Variants in FBXL4 observed in about 807,000 individuals in gnomAD.
FBXL4 encodes F-box/LRR-repeat protein 4.
A neutral mutation model predicts 58.9 loss-of-function variants in FBXL4; 40 were observed. The observed-to-expected ratio is 0.68, with a 90% CI of 0.53 to 0.88. The LOEUF is 0.88. Among genes scored for constraint, FBXL4 ranks in the 40% least tolerant of loss-of-function variants. The pLI is 0.00. For synonymous variants in FBXL4, 263 were observed against 265.5 expected, an observed-to-expected ratio of 0.99 and a Z score of 0.09; for missense variants, 676 against 734.4, an observed-to-expected ratio of 0.92 and a Z score of 0.92.
chr6:98,871,546 T>C lies in FBXL4; in HGVS notation c.*2732A>G, dbSNP rs1770490628. On this transcript the variant is annotated 3_prime_UTR_variant, in exon 10 of 10. Coordinates refer to ENST00000369244, the MANE Select transcript of FBXL4 (RefSeq NM_001278716.2). ...TGCTAAGATGTGTTACAACTGGTGG[T>C]GTTAAAAATGTGTGAAGCAAAATGA... is the stretch of plus-strand genomic sequence containing the variant. 6.6e-6 allele frequency: 1 copy of C among 152,246 alleles called. No individual in the cohort carries two copies. 9.4% of individuals were successfully genotyped at this position (152,246 alleles called of 1,614,324 possible).
chr6:98,940,238 T>C (rs1773384637), intron 1 of FBXL4, among the ~76,000 whole-genome samples: 1 of 152,176 alleles, frequency 6.6e-6, no homozygotes. Context: ...TTTCAAATTG[T>C]TGCAAATCTC....
chr6:98,938,080 CATG>C (rs1773291832), intron 1 of FBXL4, among the ~76,000 whole-genome samples: 1 of 127,846 alleles, frequency 7.8e-6, no homozygotes. Flanking sequence ...CAATCTCTTT[CATG>C]ATTTCCTTGA....
rs549305987 is a variant in FBXL4 at position 98,936,901 on chromosome 6, T to C, written c.-308-2022A>G. On this transcript the variant is annotated intron_variant, in intron 1 of 9. Transcript: ENST00000369244. ...TCAGTCTATCTTCCAGATTTACCCA[T>C]GATGCTATGTGTTAAGAGTAGTTCA... 1.3e-4 allele frequency among the ~76,000 whole-genome samples: 20 copies of C among 152,336 alleles called. No homozygotes were observed. In the South Asian group the frequency reaches 4.1e-3, roughly 32 times the overall value.
At chr6:98,896,828 C>G (rs563973312) in intron 7 of FBXL4, 3 of 983,346 alleles carry the variant, frequency 3.1e-6, no homozygotes, top group Non-Finnish European at 3.6e-6. Context: ...CTATCTAGAC[C>G]TAGGTACATA....
At chr6:98,941,514 G>A (rs1024364377) in intron 1 of FBXL4, among the ~76,000 whole-genome samples, 3 of 152,152 alleles carry the variant, frequency 2.0e-5, no homozygotes, top group Non-Finnish European at 2.9e-5. Flanking sequence ...AAGTCAAGCT[G>A]TAAATCCGAT....
intron 5 of FBXL4, among the ~76,000 whole-genome samples, chr6:98,916,372 G>A (rs1363032167): frequency 6.6e-6 from 1 of 152,198 alleles, no homozygotes; most frequent in African/African-American, 2.4e-5. Flanking sequence ...GCACACGTAT[G>A]TTTATTGAGG....
At chr6:98,914,329 A>T (rs1249214500) in intron 5 of FBXL4, among the ~76,000 whole-genome samples, 1 of 152,216 alleles carries the variant, frequency 6.6e-6, no homozygotes, top group African/African-American at 2.4e-5. Context: ...GGCCAGCATC[A>T]TCCTGATACC....
At chr6:98,881,604 G>T (rs188090415) in intron 7 of FBXL4, among the ~76,000 whole-genome samples, 2 of 152,120 alleles carry the variant, frequency 1.3e-5, no homozygotes, top group African/African-American at 4.8e-5. Flanking sequence ...CCCAGATAAA[G>T]ATTCTCATTG....
intron 9 of FBXL4, 53 bp from the exon 10 acceptor site, chr6:98,874,494 T>C (rs1770584971): frequency 1.3e-6 from 2 of 1,528,824 alleles, no homozygotes; most frequent in East Asian, 4.7e-5. Flanking sequence ...GTATAACATT[T>C]ATATAATGTG....
chr6:98,936,543 C>G (rs1000203915), intron 1 of FBXL4, among the ~76,000 whole-genome samples: 1 of 152,124 alleles, frequency 6.6e-6, no homozygotes, highest in Non-Finnish European at 1.5e-5. Flanking sequence ...TTTAACATGA[C>G]GACAATGAGG....
intron 1 of FBXL4, among the ~76,000 whole-genome samples, chr6:98,935,826 G>T (rs946043195): frequency 3.2e-4 from 48 of 148,958 alleles, no homozygotes; most frequent in Admixed American, 2.8e-3. Context: ...GCATCTGAAT[G>T]AGAAGAACTG....
At chr6:98,886,579 T>C (rs925178309) in intron 7 of FBXL4, among the ~76,000 whole-genome samples, 1 of 152,240 alleles carries the variant, frequency 6.6e-6, no homozygotes, top group African/African-American at 2.4e-5. Flanking sequence ...ACTATTTCTT[T>C]GAACTGCCAT....
chr6:98,932,097 A>G (rs1287032103), intron 2 of FBXL4, among the ~76,000 whole-genome samples: 2 of 152,244 alleles, frequency 1.3e-5, no homozygotes, highest in South Asian at 4.1e-4. Flanking sequence ...CAAAAGAGTG[A>G]TTATAAAATG....
intron 7 of FBXL4, among the ~76,000 whole-genome samples, chr6:98,893,294 T>A (rs942502979): frequency 6.6e-6 from 1 of 152,200 alleles, no homozygotes. Context: ...AGTTTAACCA[T>A]CAGAAATTTA....
Position 98,934,113 on chromosome 6 carries a change from CTGAT to C in FBXL4, c.-191+645_-191+648del, listed in dbSNP as rs1247275963. Among the ~76,000 whole-genome samples, 8 of 152,218 alleles carry C rather than the reference CTGAT, an allele frequency of 5.3e-5. No homozygotes were observed. The East Asian group carries it at 1.5e-3, about 29-fold the overall frequency. The stretch of plus-strand genomic sequence containing the variant: ...TCTTGACTCTGGTCACAAAGAAACT[CTGAT>C]TGAAATTAAAGAAAGATTCATGAAA... On this transcript the variant is annotated intron_variant, in intron 2 of 9. Coordinates refer to ENST00000369244, the MANE Select transcript of FBXL4 (RefSeq NM_001278716.2).
At chr6:98,946,522 G>A (rs2128415289) in intron 1 of FBXL4, among the ~76,000 whole-genome samples, 2 of 152,270 alleles carry the variant, frequency 1.3e-5, no homozygotes, top group Middle Eastern at 6.8e-3. Context: ...GGCAGTTTTT[G>A]TTAACTGACC....
chr6:98,892,122 G>A (rs1054074329), intron 7 of FBXL4, among the ~76,000 whole-genome samples: 8 of 152,124 alleles, frequency 5.3e-5, no homozygotes, highest in African/African-American at 1.9e-4. Flanking sequence ...AAGAAAGTTT[G>A]TTAGTTTTAT....
chr6:98,911,821 A>G (rs917544246), intron 5 of FBXL4, among the ~76,000 whole-genome samples: 1 of 152,248 alleles, frequency 6.6e-6, no homozygotes, highest in Non-Finnish European at 1.5e-5. Flanking sequence ...ACAAAGCTGG[A>G]CGGAGAATGA....
At chr6:98,889,753 T>C (rs1273768415) in intron 7 of FBXL4, among the ~76,000 whole-genome samples, 1 of 151,850 alleles carries the variant, frequency 6.6e-6, no homozygotes, top group Non-Finnish European at 1.5e-5. Context: ...ATAACAGATG[T>C]GGAAGTTTGG....
Sources: allele counts gnomAD v4.1 joint callset (sites outside exome capture counted in the v4.1 genomes callset), GRCh38; gene constraint gnomAD v4.1.1; transcripts MANE v1.5; gene names NCBI Gene and HGNC (gene_info 2026-07-23, HGNC 2026-07-21).